The following EPHB1 variants were observed in gnomAD, a reference collection of about 807,000 sequenced individuals.
EPHB1 encodes EPH receptor B1.
EPHB1 carries 30 observed loss-of-function variants against 94.4 expected under a neutral mutation model. The observed-to-expected ratio is 0.32, with a 90% CI of 0.24 to 0.43. The LOEUF is 0.43. Among genes scored for constraint, EPHB1 ranks in the 20% least tolerant of loss-of-function variants. EPHB1 has a pLI of 1.00. For missense variants in EPHB1, 1,055 were observed against 1,308.3 expected (o/e 0.81, Z 2.99); for synonymous variants, 522 against 489.1 (o/e 1.07, Z -0.89).
chr3:135,214,294 T>C (rs1421558273), intron 12 of EPHB1, among the ~76,000 whole-genome samples: 5 of 152,212 alleles, frequency 3.3e-5, no homozygotes, highest in African/African-American at 1.2e-4. Context: ...CCCTGGTGGT[T>C]GCTGCCCCTC....
intron 3 of EPHB1, among the ~76,000 whole-genome samples, chr3:134,980,109 T>A (rs150031726): frequency 6.6e-6 from 1 of 152,246 alleles, no homozygotes; most frequent in Non-Finnish European, 1.5e-5. Context: ...GGGCCTCAGC[T>A]GCAAAATTTG....
chr3:134,818,190 C>G (rs2036306491), intron 1 of EPHB1, among the ~76,000 whole-genome samples: 1 of 152,176 alleles, frequency 6.6e-6, no homozygotes, highest in African/African-American at 2.4e-5. Context: ...TTCACTTTCT[C>G]TACCCTACTT....
chr3:135,143,856 C>T (rs1940914913), intron 5 of EPHB1, among the ~76,000 whole-genome samples: 1 of 152,322 alleles, frequency 6.6e-6, no homozygotes, highest in East Asian at 1.9e-4. Context: ...TCTAAGACAT[C>T]TTTTGATTCC....
chr3:134,863,430 A>G (rs2037308269), intron 1 of EPHB1, among the ~76,000 whole-genome samples: 2 of 152,258 alleles, frequency 1.3e-5, no homozygotes, highest in South Asian at 2.1e-4. Context: ...TGGGAGGCCA[A>G]GGCGGGCAGA....
intron 1 of EPHB1, among the ~76,000 whole-genome samples, chr3:134,884,093 C>T (rs2037815042): frequency 6.6e-6 from 1 of 152,240 alleles, no homozygotes; most frequent in Non-Finnish European, 1.5e-5. Context: ...ATGCCACCAC[C>T]CATTCTGGCC....
intron 1 of EPHB1, among the ~76,000 whole-genome samples, chr3:134,896,455 C>T (rs1056390332): frequency 1.1e-4 from 16 of 152,192 alleles, no homozygotes; most frequent in African/African-American, 3.9e-4. Flanking sequence ...ACACGGTGAG[C>T]ACCCAATAAT....
At chr3:134,987,999 T>C (rs1380035378) in intron 3 of EPHB1, among the ~76,000 whole-genome samples, 1 of 152,206 alleles carries the variant, frequency 6.6e-6, no homozygotes, top group Non-Finnish European at 1.5e-5. Context: ...GTATATACTT[T>C]TATCAGCTCC....
At chr3:135,019,938 C>T (rs1440014313) in intron 3 of EPHB1, among the ~76,000 whole-genome samples, 1 of 152,200 alleles carries the variant, frequency 6.6e-6, no homozygotes, top group African/African-American at 2.4e-5. Flanking sequence ...CTGTACTTGG[C>T]AATGAGTCTG....
intron 11 of EPHB1, among the ~76,000 whole-genome samples, chr3:135,200,153 T>C (rs1299385790): frequency 6.6e-6 from 1 of 152,210 alleles, no homozygotes; most frequent in Non-Finnish European, 1.5e-5. Context: ...CATTTGGGGC[T>C]AGATTAGATG....
chr3:134,836,540 A>G (rs1234232056), intron 1 of EPHB1, among the ~76,000 whole-genome samples: 1 of 152,196 alleles, frequency 6.6e-6, no homozygotes, highest in African/African-American at 2.4e-5. Context: ...AGTTTTAAAA[A>G]CTACACTTCA....
At chr3:135,109,142 C>T (rs1352687562) in intron 4 of EPHB1, among the ~76,000 whole-genome samples, 2 of 152,208 alleles carry the variant, frequency 1.3e-5, no homozygotes. Context: ...CCCTGAGGCA[C>T]TGCCCAGAAG....
rs984191404 is a variant in EPHB1, at chr3:134,901,186, C to T, written c.59-24630C>T. On this transcript the variant is annotated intron_variant, in intron 1 of 15. Coordinates refer to ENST00000398015, the MANE Select transcript of EPHB1 (RefSeq NM_004441.5). ...TTATTATCACATCTAAAATAATTAA[C>T]ACTAATTCTTTAGTGTTATCAAATA... 3.9e-5 allele frequency among the ~76,000 whole-genome samples: 6 copies of T among 151,942 alleles called. No homozygotes were observed. In the East Asian group the frequency reaches 5.8e-4, roughly 15 times the overall value.
At chr3:134,965,366 C>G (rs1490488706) in intron 3 of EPHB1, among the ~76,000 whole-genome samples, 1 of 152,206 alleles carries the variant, frequency 6.6e-6, no homozygotes, top group Non-Finnish European at 1.5e-5. Flanking sequence ...TCTACCTACC[C>G]TGCCTATCTC....
chr3:135,209,770 TG>T (rs1942989570), intron 12 of EPHB1, among the ~76,000 whole-genome samples: 1 of 152,234 alleles, frequency 6.6e-6, no homozygotes, highest in African/African-American at 2.4e-5. Context: ...TATTTGAAGT[TG>T]TCTCAAAATA....
intron 13 of EPHB1, among the ~76,000 whole-genome samples, chr3:135,245,428 T>C (rs1411829773): frequency 6.7e-6 from 1 of 149,796 alleles, no homozygotes. Flanking sequence ...AAAGGAGGAA[T>C]CAGTGGCTGT....
chr3:135,175,307 C>G (rs1441101388), intron 9 of EPHB1, among the ~76,000 whole-genome samples: 1 of 152,206 alleles, frequency 6.6e-6, no homozygotes, highest in Non-Finnish European at 1.5e-5. Context: ...GAAGTTTCTT[C>G]TGCTTCAAGA....
At chr3:135,230,389 C>T (rs1943503897) in intron 12 of EPHB1, among the ~76,000 whole-genome samples, 1 of 152,184 alleles carries the variant, frequency 6.6e-6, no homozygotes, top group South Asian at 2.1e-4. Flanking sequence ...ATTATCAGTA[C>T]CCCACCATCT....
chr3:135,069,196 A>G (rs981031080), intron 3 of EPHB1, among the ~76,000 whole-genome samples: 3 of 151,336 alleles, frequency 2.0e-5, no homozygotes, highest in African/African-American at 7.3e-5. Flanking sequence ...AGCTTTTTTC[A>G]TTTAGCTCTT....
intron 3 of EPHB1, among the ~76,000 whole-genome samples, chr3:135,094,884 A>AAAG (rs1938702564): frequency 2.0e-5 from 3 of 152,230 alleles, no homozygotes; most frequent in African/African-American, 7.2e-5. Flanking sequence ...GTACCATTCC[A>AAAG]AAGTCCAGAA....
Sources: allele counts gnomAD v4.1 joint callset (sites outside exome capture counted in the v4.1 genomes callset), GRCh38; gene constraint gnomAD v4.1.1; transcripts MANE v1.5; gene names NCBI Gene and HGNC (gene_info 2026-07-23, HGNC 2026-07-21).